SLC38A1: variants seen among roughly 807,000 people sequenced by gnomAD.
SLC38A1 encodes the protein solute carrier family 38 member 1.
In SLC38A1, 18 loss-of-function variants were observed where a neutral mutation model predicts 60.3. The ratio of observed to expected loss-of-function variants is 0.30; its 90% CI spans 0.21 to 0.44. SLC38A1 has a LOEUF of 0.44. SLC38A1 is among the 20% of genes least tolerant of loss of function. The probability of loss-of-function intolerance (pLI) is 1.00; values close to 1 mark genes in which losing one functional copy is unlikely to be tolerated. For synonymous variants in SLC38A1, 196 were observed against 212.1 expected (o/e 0.92, Z 0.66); for missense variants, 448 against 587.2 (o/e 0.76, Z 2.45).
chr12:46,232,413 G>T (rs1941112060), intron 3 of SLC38A1, among the ~76,000 whole-genome samples: 2 of 152,200 alleles, frequency 1.3e-5, no homozygotes, highest in East Asian at 3.8e-4. Flanking sequence ...GCAAGAGATT[G>T]ACATAATAAA....
At position 46,204,655 on chromosome 12, in the gene SLC38A1, C is replaced by G; in HGVS notation, c.647-65G>C. The stretch of plus-strand genomic sequence containing the variant: ...CCATTTTTAAAAATTTTGGAGCTAC[C>G]CATCATAAACTGTTATTATTTCAAA... On this transcript the variant is annotated intron_variant, in intron 9 of 16. Coordinates refer to ENST00000398637, the MANE Select transcript of SLC38A1 (RefSeq NM_030674.4). 2.5e-6 allele frequency: 3 copies of G among 1,204,952 alleles called. No individual in the cohort carries two copies. The South Asian group carries it at 4.2e-5, about 17-fold the overall frequency. The allele number at this position is 1,204,952 out of a possible 1,614,324, so 74.6% of individuals were successfully genotyped here. A position where few individuals can be genotyped will look rare whatever the true frequency, so the allele number is the denominator to read the frequency against.
intron 6 of SLC38A1, 52 bp downstream of exon 6, chr12:46,209,002 A>G: frequency 1.6e-6 from 2 of 1,256,868 alleles, no homozygotes; most frequent in Non-Finnish European, 2.3e-6. Context: ...CAATGCTACC[A>G]TAAAAATAAT....
chr12:46,246,693 AGACT>A (rs1941631426), intron 1 of SLC38A1, among the ~76,000 whole-genome samples: 1 of 152,254 alleles, frequency 6.6e-6, no homozygotes, highest in African/African-American at 2.4e-5. Context: ...GAGAACAGAC[AGACT>A]GCCTCCTCAA....
At chr12:46,266,698 A>T (rs1198975401) in intron 1 of SLC38A1, among the ~76,000 whole-genome samples, 1 of 152,176 alleles carries the variant, frequency 6.6e-6, no homozygotes, top group African/African-American at 2.4e-5. Context: ...GAAGCTTCAT[A>T]GAAGGTGAAA....
At chr12:46,216,529 G>C (rs1414368507) in intron 5 of SLC38A1, among the ~76,000 whole-genome samples, 1 of 152,168 alleles carries the variant, frequency 6.6e-6, no homozygotes, top group Non-Finnish European at 1.5e-5. Context: ...GCCAATGGAA[G>C]ACTTAAGTGG....
chr12:46,198,412 G>C (rs1169593265), intron 14 of SLC38A1, among the ~76,000 whole-genome samples: 1 of 152,110 alleles, frequency 6.6e-6, no homozygotes, highest in Non-Finnish European at 1.5e-5. Context: ...AGATTAATTA[G>C]AATGGAGATT....
At position 46,244,963 on chromosome 12, in the gene SLC38A1, T is replaced by A. The variant is rs143420036; in HGVS notation, c.-208-1649A>T. Among the ~76,000 whole-genome samples, 9 of 152,306 alleles carry A rather than the reference T, an allele frequency of 5.9e-5. No homozygotes were observed. In the East Asian group the frequency reaches 1.7e-3, roughly 29 times the overall value. ...GTATAATGAACTCCCATATACCAAC[T>A]TCAATTATCAATTCAGGCCTGTCTT... On this transcript the variant is annotated intron_variant, in intron 1 of 16. Transcript: ENST00000398637.
chr12:46,231,736 C>T (rs1309672235), intron 3 of SLC38A1, among the ~76,000 whole-genome samples: 1 of 152,168 alleles, frequency 6.6e-6, no homozygotes, highest in Non-Finnish European at 1.5e-5. Context: ...ACTTCCCAGG[C>T]TCAAGTGATT....
intron 13 of SLC38A1, among the ~76,000 whole-genome samples, chr12:46,200,111 T>C (rs948695712): frequency 2.6e-5 from 4 of 152,174 alleles, no homozygotes; most frequent in Non-Finnish European, 4.4e-5. Context: ...GTTCTCCGCC[T>C]CTCTCTCCCT....
intron 1 of SLC38A1, among the ~76,000 whole-genome samples, chr12:46,250,180 A>T (rs1941784926): frequency 1.3e-5 from 2 of 152,242 alleles, no homozygotes; most frequent in African/African-American, 4.8e-5. Context: ...AGGTTGGTTC[A>T]ACATACGCAA....
In SLC38A1 at chr12:46,229,577, T is replaced by A; in HGVS notation, c.185A>T (p.Lys62Met). 6.2e-7 allele frequency: 1 copy of A among 1,612,510 alleles called. No homozygotes were observed. Among genetic ancestry groups the A allele is most frequent in the Non-Finnish European group, 8.5e-7 (1 of 1,178,758 alleles). The change falls in exon 4 of 17, where the codon AAG becomes ATG. Residue 62 changes from lysine (K) to methionine (M), a missense_variant. Coordinates refer to ENST00000398637, the MANE Select transcript of SLC38A1 (RefSeq NM_030674.4). ...SLTNSHLEKK[K>M]CDEYIPGTTS... The stretch of plus-strand genomic sequence containing the variant: ...AATGATACTTACATACTCATCACAC[T>A]TCTTTTTTTCCAAATGGCTGTTTGT...
At chr12:46,229,745 A>G in intron 3 of SLC38A1, 106 bp from the exon 4 acceptor site, 1 of 991,430 alleles carries the variant, frequency 1.0e-6, no homozygotes, top group Non-Finnish European at 1.6e-6. Context: ...ACAGTTACCA[A>G]TCAGCTCTCT....
chr12:46,240,542 T>C lies in SLC38A1; in HGVS notation c.-93-649A>G, dbSNP rs565185339. Among the ~76,000 whole-genome samples the C allele has an allele frequency of 4.6e-5, 7 of 152,264 alleles. 2 individuals carry two copies. In the South Asian group the frequency reaches 1.5e-3, roughly 32 times the overall value. On this transcript the variant is annotated intron_variant, in intron 2 of 16. Transcript: ENST00000398637. ...AAAGTGATTCAGTTATTTTAATGTG[T>C]CAGATCGCAGAGCACACACATAGCT...
At chr12:46,212,437 T>C (rs1293207892) in intron 5 of SLC38A1, among the ~76,000 whole-genome samples, 1 of 152,196 alleles carries the variant, frequency 6.6e-6, no homozygotes, top group African/African-American at 2.4e-5. Flanking sequence ...ACATGGGGAC[T>C]ACAGATCAGC....
At chr12:46,256,613 GCACA>G (rs566800141) in intron 1 of SLC38A1, among the ~76,000 whole-genome samples, 4 of 107,460 alleles carry the variant, frequency 3.7e-5, no homozygotes, top group Admixed American at 2.0e-4. Context: ...GCGCGCGCGC[GCACA>G]CACACACACA....
chr12:46,244,733 C>G (rs947910721), intron 1 of SLC38A1, among the ~76,000 whole-genome samples: 3 of 152,226 alleles, frequency 2.0e-5, no homozygotes, highest in Non-Finnish European at 4.4e-5. Flanking sequence ...GTTAATTATT[C>G]CTAGAGGCCC....
intron 13 of SLC38A1, among the ~76,000 whole-genome samples, chr12:46,199,598 A>G (rs1939557824): frequency 6.6e-6 from 1 of 150,914 alleles, no homozygotes; most frequent in Non-Finnish European, 1.5e-5. Flanking sequence ...GGCTCAAGCT[A>G]TCCACCTACC....
At chr12:46,224,688 G>GTTTTACAAGAGTCACTC in intron 5 of SLC38A1, among the ~76,000 whole-genome samples, 1 of 152,292 alleles carries the variant, frequency 6.6e-6, no homozygotes, top group African/African-American at 2.4e-5. Flanking sequence ...GGAGCAGCTG[G>GTTTTACAAGAGTCACTC]TTTTACAAGA....
intron 12 of SLC38A1, 67 bp downstream of exon 12, chr12:46,202,943 T>C (rs1387394785): frequency 2.8e-5 from 34 of 1,199,186 alleles, no homozygotes; most frequent in Non-Finnish European, 3.7e-5. Context: ...TTTATTTTAA[T>C]TGCATACTTG....
Sources: allele counts gnomAD v4.1 joint callset (sites outside exome capture counted in the v4.1 genomes callset), GRCh38; gene constraint gnomAD v4.1.1; transcripts MANE v1.5; gene names NCBI Gene and HGNC (gene_info 2026-07-23, HGNC 2026-07-21).